Variants in DPP10 observed in about 807,000 individuals in gnomAD.
The protein encoded by DPP10 is dipeptidyl peptidase like 10.
DPP10 carries 33 observed loss-of-function variants against 120.9 expected under a neutral mutation model. The observed-to-expected ratio is 0.27, with a 90% confidence interval of 0.21 to 0.37. DPP10 has a LOEUF of 0.37. Ranked by LOEUF, DPP10 falls within the 10% of genes least tolerant of loss-of-function variation. The probability of loss-of-function intolerance (pLI) is 1.00; values close to 1 mark genes in which losing one functional copy is unlikely to be tolerated. For missense variants in DPP10, 816 were observed against 942.8 expected, an observed-to-expected ratio of 0.87 and a Z score of 1.76; for synonymous variants, 337 against 326.1, an observed-to-expected ratio of 1.03 and a Z score of -0.36.
At chr2:115,162,198 A>G in intron 1 of DPP10, 1 of 1,552,816 alleles carries the variant, frequency 6.4e-7, no homozygotes, top group Non-Finnish European at 8.7e-7. Flanking sequence ...GCGGGAAGTT[A>G]GAGCCTCTGC....
intron 1 of DPP10, among the ~76,000 whole-genome samples, chr2:114,443,716 T>A (rs1477260975): frequency 6.7e-6 from 1 of 148,364 alleles, no homozygotes; most frequent in Non-Finnish European, 1.5e-5. Flanking sequence ...AAAAAAAAAC[T>A]AAAACAAAAA....
intron 1 of DPP10, among the ~76,000 whole-genome samples, chr2:114,495,170 G>A (rs1470017086): frequency 7.9e-5 from 12 of 152,078 alleles, no homozygotes; most frequent in Non-Finnish European, 1.6e-4. Context: ...GTATGTCTTT[G>A]TTATAAAATT....
At chr2:115,320,671 A>C (rs927126575) in intron 2 of DPP10, among the ~76,000 whole-genome samples, 2 of 151,980 alleles carry the variant, frequency 1.3e-5, no homozygotes, top group African/African-American at 2.4e-5. Flanking sequence ...TGTGACCATT[A>C]ATCTAGATTT....
At chr2:115,158,763 T>C (rs1235881419) in intron 1 of DPP10, among the ~76,000 whole-genome samples, 2 of 152,210 alleles carry the variant, frequency 1.3e-5, no homozygotes, top group Admixed American at 6.5e-5. Flanking sequence ...AGATAATACA[T>C]GAAAAAGTAT....
chr2:115,346,894 A>G (rs755404636), intron 3 of DPP10, among the ~76,000 whole-genome samples: 89 of 152,180 alleles, frequency 5.8e-4, no homozygotes, highest in Admixed American at 1.4e-3. Context: ...ATAAAACTTG[A>G]CCTCTTTCAT....
intron 1 of DPP10, among the ~76,000 whole-genome samples, chr2:114,882,376 G>T (rs1691716215): frequency 6.6e-6 from 1 of 152,112 alleles, no homozygotes; most frequent in South Asian, 2.1e-4. Context: ...TGGAGCTGGA[G>T]GCCATTATTC....
At chr2:114,888,027 C>G (rs999110016) in intron 1 of DPP10, among the ~76,000 whole-genome samples, 2 of 151,502 alleles carry the variant, frequency 1.3e-5, no homozygotes, top group African/African-American at 4.9e-5. Context: ...CCTGTAGTCC[C>G]AGCTACTGGG....
chr2:115,807,802 A>C (rs1032104988), intron 19 of DPP10, among the ~76,000 whole-genome samples: 4 of 150,046 alleles, frequency 2.7e-5, no homozygotes, highest in African/African-American at 4.9e-5. Context: ...AAAAAAAAAA[A>C]CATTAAAACA....
intron 15 of DPP10, among the ~76,000 whole-genome samples, chr2:115,778,561 C>A (rs543531222): frequency 6.6e-6 from 1 of 152,050 alleles, no homozygotes; most frequent in Non-Finnish European, 1.5e-5. Context: ...ACTTTATATA[C>A]ATGTTCTAAT....
Position 115,373,591 on chromosome 2 carries a change from G to C in DPP10, c.271+29679G>C, listed in dbSNP as rs574945855. Among the ~76,000 whole-genome samples, 9 of 152,054 alleles carry C rather than the reference G, an allele frequency of 5.9e-5. No homozygotes were observed. The South Asian group carries it at 1.9e-3, about 32-fold the overall frequency. ...GCTCAAAAAATAAGTGGAAAAACTC[G>C]AAAAAGGAAGAATGTTTTCAAAAGA... On this transcript the variant is annotated intron_variant, in intron 3 of 25. Transcript: ENST00000410059.
intron 1 of DPP10, among the ~76,000 whole-genome samples, chr2:114,829,590 T>A (rs976203556): frequency 1.3e-5 from 2 of 151,216 alleles, no homozygotes; most frequent in African/African-American, 4.9e-5. Flanking sequence ...TTGGCCAGGC[T>A]GGTCTCGAAT....
intron 1 of DPP10, among the ~76,000 whole-genome samples, chr2:115,021,032 A>G (rs1703034489): frequency 6.6e-6 from 1 of 152,110 alleles, no homozygotes; most frequent in African/African-American, 2.4e-5. Context: ...GCTAAAAGGA[A>G]AGTTCATAGC....
At chr2:115,016,017 A>G (rs538526697) in intron 1 of DPP10, among the ~76,000 whole-genome samples, 238 of 152,296 alleles carry the variant, frequency 1.6e-3, no homozygotes, top group African/African-American at 5.3e-3. Flanking sequence ...TTCATATGGA[A>G]CCAAAAAAGA....
At chr2:115,108,835 G>C (rs1479146452) in intron 1 of DPP10, among the ~76,000 whole-genome samples, 1 of 152,180 alleles carries the variant, frequency 6.6e-6, no homozygotes, top group Admixed American at 6.5e-5. Context: ...CAGTGAAAGA[G>C]AAGTTGGGTT....
chr2:114,451,333 G>T (rs1428194073), intron 1 of DPP10, among the ~76,000 whole-genome samples: 1 of 152,128 alleles, frequency 6.6e-6, no homozygotes, highest in Non-Finnish European at 1.5e-5. Flanking sequence ...AATATTTCAT[G>T]AAAGAGAATT....
intron 1 of DPP10, among the ~76,000 whole-genome samples, chr2:115,108,448 TAGA>T (rs998805876): frequency 1.3e-5 from 2 of 152,326 alleles, no homozygotes; most frequent in Admixed American, 6.5e-5. Context: ...CTTTCCAACA[TAGA>T]AGAAGTCAGA....
chr2:115,695,932 A>AAAG lies in DPP10; in HGVS notation c.576+6012_576+6014dup, dbSNP rs370452226. 1.0e-3 allele frequency among the ~76,000 whole-genome samples: 159 copies of AAAG among 152,280 alleles called. 2 individuals carry two copies. The highest frequency in any genetic ancestry group is 3.4e-3 in the Middle Eastern group (1 of 294). On this transcript the variant is annotated intron_variant, in intron 7 of 25. Coordinates refer to ENST00000410059, the MANE Select transcript of DPP10 (RefSeq NM_020868.6). ...AGTAAACCTAAAAGACACCAAATAA[A>AAAG]AAGTTCTAGAGCAAAAGCTTACAGT...
chr2:115,744,894 CAT>C (rs1343378218), intron 9 of DPP10, among the ~76,000 whole-genome samples: 2 of 150,236 alleles, frequency 1.3e-5, no homozygotes, highest in African/African-American at 4.8e-5. Flanking sequence ...CTATATATCT[CAT>C]GTGGACTTCT....
chr2:115,493,522 A>AC (rs1042827656), intron 3 of DPP10, among the ~76,000 whole-genome samples: 2 of 151,738 alleles, frequency 1.3e-5, no homozygotes, highest in African/African-American at 4.8e-5. Context: ...TGTTGGAAAA[A>AC]AAAAAAAGCC....
Sources: gnomAD v4.1 joint callset for allele counts (sites outside exome capture counted in the v4.1 genomes callset) on GRCh38, gnomAD v4.1.1 for gene constraint, MANE v1.5 for transcripts, NCBI Gene and HGNC (gene_info 2026-07-23, HGNC 2026-07-21) for gene names.